SUSD5: variants seen among roughly 807,000 people sequenced by gnomAD.
SUSD5 encodes the protein sushi domain containing 5.
Under a neutral mutation model 29.5 loss-of-function variants are expected in SUSD5, and 33 were observed. The ratio of observed to expected loss-of-function variants is 1.12; its 90% confidence interval spans 0.85 to 1.49. SUSD5 has a LOEUF of 1.49. Ranked by LOEUF, SUSD5 falls within the 40% of genes most tolerant of loss-of-function variation. The probability of loss-of-function intolerance (pLI) is 0.00; values close to 1 mark genes in which losing one functional copy is unlikely to be tolerated. For missense variants in SUSD5, 776 were observed against 800.6 expected (o/e 0.97, Z 0.37); for synonymous variants, 308 against 325.3 (o/e 0.95, Z 0.57).
intron 3 of SUSD5, among the ~76,000 whole-genome samples, chr3:33,182,207 T>C (rs2031687790): frequency 1.3e-5 from 2 of 152,256 alleles, no homozygotes; most frequent in South Asian, 2.1e-4. Context: ...AAGTATGTTG[T>C]TTAATCTCCA....
At position 33,152,905 on chromosome 3, in the gene SUSD5, A is replaced by C. The variant is rs768145924; in HGVS notation, c.1727T>G (p.Ile576Ser). 57 of 1,613,884 alleles carry C rather than the reference A, an allele frequency of 3.5e-5. No homozygotes were observed. In the South Asian group the frequency reaches 3.8e-4, roughly 11 times the overall value. ...GCACAGGACGGTGACAATGGTGGCGATCACAGGGCCTCTGCTGAGGCCAGG... is the reference window on the plus strand; with the variant it reads ...GCACAGGACGGTGACAATGGTGGCGCTCACAGGGCCTCTGCTGAGGCCAGG... ...GCPGLSRGPV[I>S]ATIVTVLCLL... is the part of the protein sequence containing the mutation. Residue 576 changes from isoleucine (I) to serine (S), a missense_variant, in exon 5 of 5, where the codon ATC becomes AGC. Ile to Ser is a moderately radical substitution (Grantham distance 142). Transcript: ENST00000309558.
chr3:33,188,157 C>A (rs1359627487), intron 3 of SUSD5, among the ~76,000 whole-genome samples: 1 of 152,142 alleles, frequency 6.6e-6, no homozygotes, highest in Non-Finnish European at 1.5e-5. Flanking sequence ...CTTCTGATAA[C>A]CAGTGTTTCC....
rs774367436 is a variant in SUSD5, at chr3:33,153,975, T to C, written c.657A>G (p.Ser219=). 3 of 1,613,408 alleles carry C rather than the reference T, an allele frequency of 1.9e-6. No homozygotes were observed. In the African/African-American group the frequency reaches 4.0e-5, roughly 22 times the overall value. Residue 219 remains serine (S), a synonymous_variant, in exon 5 of 5, where the codon TCA becomes TCG. Coordinates refer to ENST00000309558, the MANE Select transcript of SUSD5 (RefSeq NM_015551.2). The part of the protein sequence containing the change: ...EDNFPDDRSV[S]FRELMEDSRT... Reference sequence around the variant, plus strand: ...GGGAATCCTCCATGAGCTCTCTGAATGACACAGATCTGTCATCAGGGAAGT... The same window carrying C: ...GGGAATCCTCCATGAGCTCTCTGAACGACACAGATCTGTCATCAGGGAAGT...
At chr3:33,202,803 T>C (rs2032144981) in intron 3 of SUSD5, among the ~76,000 whole-genome samples, 1 of 152,136 alleles carries the variant, frequency 6.6e-6, no homozygotes, top group Non-Finnish European at 1.5e-5. Context: ...ACAAAAATAC[T>C]GAAAGGAAAA....
At chr3:33,178,793 T>C (rs2031607820) in intron 3 of SUSD5, among the ~76,000 whole-genome samples, 1 of 152,188 alleles carries the variant, frequency 6.6e-6, no homozygotes, top group South Asian at 2.1e-4. Flanking sequence ...AGGGTAATAC[T>C]AGCCTCATAG....
At chr3:33,212,565 AACT>A (rs2125633910) in intron 2 of SUSD5, among the ~76,000 whole-genome samples, 1 of 152,316 alleles carries the variant, frequency 6.6e-6, no homozygotes, top group Non-Finnish European at 1.5e-5. Context: ...GGCTGGCAAT[AACT>A]CAATGGCTGG....
At chr3:33,207,264 T>G (rs2032239604) in intron 3 of SUSD5, among the ~76,000 whole-genome samples, 1 of 152,196 alleles carries the variant, frequency 6.6e-6, no homozygotes, top group African/African-American at 2.4e-5. Flanking sequence ...GCTTTGAACA[T>G]CAGCAGCTGT....
At chr3:33,192,227 C>A (rs547010883) in intron 3 of SUSD5, among the ~76,000 whole-genome samples, 2 of 150,138 alleles carry the variant, frequency 1.3e-5, no homozygotes, top group African/African-American at 4.9e-5. Context: ...GCATGCGCCA[C>A]CACATCCAGC....
intron 2 of SUSD5, among the ~76,000 whole-genome samples, chr3:33,210,965 C>T (rs1382035593): frequency 6.6e-6 from 1 of 152,074 alleles, no homozygotes; most frequent in Non-Finnish European, 1.5e-5. Context: ...CCTCTGTCTC[C>T]CTGGTTCAAG....
At position 33,207,792 on chromosome 3, in the gene SUSD5, A is replaced by C. The variant is rs369136989; in HGVS notation, c.409+16T>G. The stretch of plus-strand genomic sequence containing the variant: ...AGCACACCCTCCAGCACCTTTAAGA[A>C]GACTCTGGCACTGACCTTCATCCTT... On this transcript the variant is annotated intron_variant, in intron 3 of 4. Coordinates refer to ENST00000309558, the MANE Select transcript of SUSD5 (RefSeq NM_015551.2). The C allele has an allele frequency of 2.4e-4, 370 of 1,572,362 alleles. No individual in the cohort carries two copies. The highest frequency in any genetic ancestry group is 3.1e-4 in the Non-Finnish European group (350 of 1,147,418).
chr3:33,153,960 C>T lies in SUSD5; in HGVS notation c.672G>A (p.Met224Ile). 2.5e-6 allele frequency: 4 copies of T among 1,613,930 alleles called. No individual in the cohort carries two copies. Among genetic ancestry groups the T allele is most frequent in the Non-Finnish European group, 3.4e-6 (4 of 1,179,854 alleles). The part of the protein sequence containing the change: ...DDRSVSFREL[M>I]EDSRTEADED... ...CATCTGCCTCTGTCCGGGAATCCTCCATGAGCTCTCTGAATGACACAGATC... is the reference window on the plus strand; with the variant it reads ...CATCTGCCTCTGTCCGGGAATCCTCTATGAGCTCTCTGAATGACACAGATC... Residue 224 changes from methionine (M) to isoleucine (I), a missense_variant, in exon 5 of 5, where the codon ATG becomes ATA. Met to Ile is a conservative substitution (Grantham distance 10). Coordinates refer to ENST00000309558, the MANE Select transcript of SUSD5 (RefSeq NM_015551.2).
chr3:33,168,045 C>G (rs1158089570), intron 4 of SUSD5, among the ~76,000 whole-genome samples: 2 of 152,206 alleles, frequency 1.3e-5, no homozygotes, highest in Non-Finnish European at 2.9e-5. Flanking sequence ...TTTTGGAAAA[C>G]AGAAGAGCAC....
At chr3:33,199,486 G>T (rs1559454879) in intron 3 of SUSD5, among the ~76,000 whole-genome samples, 1 of 152,098 alleles carries the variant, frequency 6.6e-6, no homozygotes, top group South Asian at 2.1e-4. Context: ...TGTTAGCCAG[G>T]ACGGTCTCGA....
intron 3 of SUSD5, among the ~76,000 whole-genome samples, chr3:33,206,827 C>A (rs2032229897): frequency 1.3e-5 from 2 of 152,262 alleles, no homozygotes; most frequent in Non-Finnish European, 2.9e-5. Context: ...ACATTAAAAT[C>A]ACAAGGGAGT....
At position 33,175,935 on chromosome 3, in the gene SUSD5, C is replaced by CA. The variant is rs2031544086; in HGVS notation, c.410-862dup. Among the ~76,000 whole-genome samples, 6 of 152,312 alleles carry CA rather than the reference C, an allele frequency of 3.9e-5. No individual in the cohort carries two copies. The South Asian group carries it at 1.2e-3, about 32-fold the overall frequency. On this transcript the variant is annotated intron_variant, in intron 3 of 4. Coordinates refer to ENST00000309558, the MANE Select transcript of SUSD5 (RefSeq NM_015551.2). ...GGGCTTTGACAAATGCACAGTGACA[C>CA]ATATCTACCATTATTGTATCATACA...
rs759206216 is a variant in SUSD5 at position 33,153,136 on chromosome 3, G to C, written c.1496C>G (p.Thr499Arg). The change falls in exon 5 of 5, where the codon ACA becomes AGA. Residue 499 changes from threonine to arginine, a missense_variant. Physicochemically the swap from Thr to Arg is moderately conservative, Grantham distance 71. Transcript: ENST00000309558. ...AGGTGTCTGCTTGACAGTGTTCACT[G>C]TTAATATCTCCAGGGTGGAGCTGGT... ...ELTSSTLEIL[T>R]VNTVKQTPNH... The C allele has an allele frequency of 5.6e-6, 9 of 1,613,804 alleles. No homozygotes were observed. The African/African-American group carries it at 1.2e-4, about 22-fold the overall frequency.
chr3:33,157,534 G>C (rs1205921676), intron 4 of SUSD5, among the ~76,000 whole-genome samples: 1 of 152,172 alleles, frequency 6.6e-6, no homozygotes, highest in Admixed American at 6.5e-5. Flanking sequence ...TACTGGCTGT[G>C]GAAGACAGAC....
chr3:33,183,827 C>G (rs1027469560), intron 3 of SUSD5, among the ~76,000 whole-genome samples: 3 of 151,474 alleles, frequency 2.0e-5, no homozygotes, highest in Admixed American at 6.6e-5. Context: ...TTTGAGAAAG[C>G]CTTTATTTCT....
intron 3 of SUSD5, among the ~76,000 whole-genome samples, chr3:33,187,933 C>T (rs893705381): frequency 1.3e-5 from 2 of 150,962 alleles, no homozygotes; most frequent in Non-Finnish European, 2.9e-5. Flanking sequence ...TACTGCTTCT[C>T]GATTATTCTG....
Sources: allele counts gnomAD v4.1 joint callset (sites outside exome capture counted in the v4.1 genomes callset), GRCh38; gene constraint gnomAD v4.1.1; transcripts MANE v1.5; gene names NCBI Gene and HGNC (gene_info 2026-07-23, HGNC 2026-07-21).